The following C4orf50 variants were observed in gnomAD, a reference collection of about 807,000 sequenced individuals.
C4orf50 encodes uncharacterized protein C4orf50.
A neutral mutation model predicts 77.2 loss-of-function variants in C4orf50; 80 were observed. That is an observed-to-expected ratio of 1.04 (90% CI 0.87 to 1.25). C4orf50 has a LOEUF of 1.25. Among genes scored for constraint, C4orf50 ranks in the 50% most tolerant of loss-of-function variants. The pLI is 0.00. For missense variants in C4orf50, 1,257 were observed against 1,152.9 expected, an observed-to-expected ratio of 1.09 and a Z score of -1.31; for synonymous variants, 532 against 465.3, an observed-to-expected ratio of 1.14 and a Z score of -1.84.
intron 7 of C4orf50, among the ~76,000 whole-genome samples, chr4:5,926,551 C>A (rs1286028094): frequency 6.6e-6 from 1 of 152,056 alleles, no homozygotes; most frequent in Non-Finnish European, 1.5e-5. Flanking sequence ...TGTGAAGGCA[C>A]TAAAAGCCAC....
intron 28 of C4orf50, among the ~76,000 whole-genome samples, chr4:5,984,008 G>C (rs576616663): frequency 3.3e-4 from 50 of 152,060 alleles, no homozygotes; most frequent in African/African-American, 1.1e-3. Flanking sequence ...GAAGATTGCA[G>C]AGTTCTGGCA....
At chr4:5,931,827 C>T (rs1180057428) in intron 7 of C4orf50, among the ~76,000 whole-genome samples, 1 of 152,140 alleles carries the variant, frequency 6.6e-6, no homozygotes, top group Admixed American at 6.5e-5. Flanking sequence ...GAAATCACCA[C>T]CCCGGGGTGT....
chr4:5,998,159 C>T (rs768931762), intron 25 of C4orf50, among the ~76,000 whole-genome samples: 1 of 152,192 alleles, frequency 6.6e-6, no homozygotes, highest in Non-Finnish European at 1.5e-5. Context: ...CTCCTGATAG[C>T]TCAAACACCA....
intron 29 of C4orf50, among the ~76,000 whole-genome samples, chr4:5,979,957 A>C (rs554496238): frequency 6.6e-6 from 1 of 151,852 alleles, no homozygotes; most frequent in South Asian, 2.1e-4. Flanking sequence ...AAGAAACCAC[A>C]TATGTGCATT....
At chr4:5,953,840 C>T (rs547527658), downstream of C4orf50, among the ~76,000 whole-genome samples, 5 of 152,328 alleles carry the variant, frequency 3.3e-5, no homozygotes, top group South Asian at 6.2e-4. Flanking sequence ...AAAAGATGCC[C>T]GTTCCAGGTG....
intron 28 of C4orf50, among the ~76,000 whole-genome samples, chr4:5,982,949 G>A (rs1173400085): frequency 3.3e-5 from 5 of 152,124 alleles, no homozygotes; most frequent in Admixed American, 6.5e-5. Flanking sequence ...GGAAGCTCCC[G>A]AGAGTCTCAG....
intron 31 of C4orf50, among the ~76,000 whole-genome samples, chr4:5,973,373 AC>A: frequency 6.6e-6 from 1 of 152,346 alleles, no homozygotes; most frequent in South Asian, 2.1e-4. Context: ...TGTGACACAC[AC>A]CCAATGAAGC....
intron 25 of C4orf50, among the ~76,000 whole-genome samples, chr4:6,004,339 ATGG>A: frequency 8.5e-6 from 1 of 118,196 alleles, no homozygotes; most frequent in Non-Finnish European, 1.7e-5. Flanking sequence ...GATGATGGTG[ATGG>A]TGATGATGAC....
chr4:5,954,178 T>C (rs960757462), downstream of C4orf50, among the ~76,000 whole-genome samples: 3 of 152,116 alleles, frequency 2.0e-5, no homozygotes, highest in South Asian at 6.2e-4. The surrounding 1 kb of genome is among the most constrained non-coding windows in gnomAD (Gnocchi z 4.7). Context: ...ATGGATGGAC[T>C]ATCAGTGACA....
intron 30 of C4orf50, among the ~76,000 whole-genome samples, chr4:5,974,538 C>T (rs1463114623): frequency 2.0e-5 from 3 of 152,140 alleles, no homozygotes; most frequent in Non-Finnish European, 4.4e-5. Context: ...TGACGGCTGA[C>T]GACACTGAGG....
chr4:5,911,600 G>A (rs901372775), intron 7 of C4orf50, among the ~76,000 whole-genome samples: 4 of 152,192 alleles, frequency 2.6e-5, no homozygotes, highest in Non-Finnish European at 4.4e-5. Flanking sequence ...CACCACTCAA[G>A]GTGGCAGGAT....
rs1329337912 is a variant in C4orf50, at chr4:5,919,564, G to A, written c.*2475-21376C>T. Among the ~76,000 whole-genome samples the A allele has an allele frequency of 6.6e-6, 1 of 152,168 alleles. No homozygotes were observed. The highest frequency in any genetic ancestry group is 2.4e-5 in the African/African-American group (1 of 41,452). On this transcript the variant is annotated intron_variant, in intron 7 of 7. Coordinates refer to the C4orf50 transcript ENST00000324058. This position sits in a 1 kb window ranked among gnomAD's most constrained non-coding sequence, Gnocchi z 6.5. Reference sequence around the variant, plus strand: ...GCAGCTATCAGCTGAAGCATGGGTGGAGAGGATAGCTGCTGTCTCCAGAAT... The same window carrying A: ...GCAGCTATCAGCTGAAGCATGGGTGAAGAGGATAGCTGCTGTCTCCAGAAT...
intron 23 of C4orf50, among the ~76,000 whole-genome samples, chr4:6,012,523 C>T (rs573526674): frequency 7.1e-4 from 108 of 152,268 alleles, no homozygotes; most frequent in Non-Finnish European, 1.2e-3. Flanking sequence ...TTCAGAAAAA[C>T]GTTTCTGCAA....
intron 7 of C4orf50, among the ~76,000 whole-genome samples, chr4:5,950,660 C>G (rs1718675492): frequency 6.6e-6 from 1 of 151,660 alleles, no homozygotes; most frequent in African/African-American, 2.4e-5. Flanking sequence ...CTGATAACAT[C>G]CAATAGAAAA....
At chr4:5,989,786 G>C (rs1033870646) in exon 28 of C4orf50, 1 of 1,519,722 alleles carries the variant, frequency 6.6e-7, no homozygotes, top group African/African-American at 1.4e-5. Flanking sequence ...TTGCTCTCAT[G>C]TTCCTGGGAG....
At chr4:6,014,135 T>C (rs1346115435) in intron 23 of C4orf50, among the ~76,000 whole-genome samples, 1 of 152,006 alleles carries the variant, frequency 6.6e-6, no homozygotes, top group Non-Finnish European at 1.5e-5. Flanking sequence ...CCCGAGTAGC[T>C]GGGATTACAG....
chr4:5,972,453 C>A (rs1211339304), intron 31 of C4orf50, among the ~76,000 whole-genome samples: 1 of 152,216 alleles, frequency 6.6e-6, no homozygotes, highest in Non-Finnish European at 1.5e-5. Flanking sequence ...AAGAGAAGAG[C>A]AACAGACTGG....
At chr4:5,925,505 G>A (rs927321796) in intron 7 of C4orf50, among the ~76,000 whole-genome samples, 34 of 152,370 alleles carry the variant, frequency 2.2e-4, no homozygotes, top group Admixed American at 1.6e-3. Flanking sequence ...CGGTACCAGT[G>A]GACAAGGACT....
At chr4:6,003,812 GGTGA>G (rs1721977653) in intron 25 of C4orf50, among the ~76,000 whole-genome samples, 1 of 144,604 alleles carries the variant, frequency 6.9e-6, no homozygotes. Flanking sequence ...TGGTGATGAT[GGTGA>G]TGATGGTGAT....
Sources: gnomAD v4.1 joint callset for allele counts (sites outside exome capture counted in the v4.1 genomes callset) on GRCh38, gnomAD v4.1.1 for gene constraint, Gnocchi (gnomAD v3.1) non-coding constraint, MANE v1.5 for transcripts, NCBI Gene and HGNC (gene_info 2026-07-23, HGNC 2026-07-21) for gene names.